Variants in DLGAP2 observed in about 807,000 individuals in gnomAD.
DLGAP2 encodes DLG associated protein 2.
In DLGAP2, 26 loss-of-function variants were observed where a neutral mutation model predicts 100.3. The ratio of observed to expected loss-of-function variants is 0.26; its 90% CI spans 0.19 to 0.36. The LOEUF (loss-of-function observed/expected upper bound fraction) is 0.36. Ranked by LOEUF, DLGAP2 falls within the 10% of genes least tolerant of loss-of-function variation. DLGAP2 has a pLI of 1.00. For missense variants in DLGAP2, 1,858 were observed against 1,453.2 expected, an observed-to-expected ratio of 1.28 and a Z score of -4.53; for synonymous variants, 886 against 630.1, an observed-to-expected ratio of 1.41 and a Z score of -6.08.
chr8:1,363,210 T>C (rs1802025259), intron 3 of DLGAP2, among the ~76,000 whole-genome samples: 1 of 152,154 alleles, frequency 6.6e-6, no homozygotes, highest in Non-Finnish European at 1.5e-5. Context: ...GGGAAAGAAA[T>C]GGAGATTCAC....
intron 3 of DLGAP2, among the ~76,000 whole-genome samples, chr8:1,434,089 C>G (rs1051682242): frequency 1.3e-5 from 2 of 152,098 alleles, no homozygotes; most frequent in African/African-American, 4.8e-5. Context: ...GTGCTATGGG[C>G]GTGGCTGCTT....
intron 1 of DLGAP2, among the ~76,000 whole-genome samples, chr8:758,510 C>T (rs1220021454): frequency 2.0e-5 from 3 of 152,158 alleles, no homozygotes; most frequent in Non-Finnish European, 4.4e-5. Flanking sequence ...TCCACCTCTG[C>T]CCATCCCAAG....
chr8:786,049 C>G (rs906562691), intron 1 of DLGAP2, among the ~76,000 whole-genome samples: 1 of 152,224 alleles, frequency 6.6e-6, no homozygotes, highest in Non-Finnish European at 1.5e-5. Context: ...CAGGAATGCC[C>G]AGACCAGAGC....
intron 2 of DLGAP2, among the ~76,000 whole-genome samples, chr8:1,218,550 T>C (rs1798256866): frequency 6.6e-6 from 1 of 152,160 alleles, no homozygotes; most frequent in Non-Finnish European, 1.5e-5. Flanking sequence ...TATAGTATAG[T>C]TTGAAGTTGA....
At chr8:765,005 T>G (rs1821175285) in intron 1 of DLGAP2, among the ~76,000 whole-genome samples, 1 of 152,182 alleles carries the variant, frequency 6.6e-6, no homozygotes, top group African/African-American at 2.4e-5. Flanking sequence ...TGACAGTGAC[T>G]AGTGGTAGTG....
At chr8:1,554,095 C>G (rs1175315329) in intron 5 of DLGAP2, among the ~76,000 whole-genome samples, 3 of 152,120 alleles carry the variant, frequency 2.0e-5, no homozygotes, top group South Asian at 2.1e-4. Context: ...CAAGACCAAC[C>G]TGGCCAAAAT....
At chr8:1,457,630 G>A (rs779159299) in intron 3 of DLGAP2, among the ~76,000 whole-genome samples, 1 of 152,016 alleles carries the variant, frequency 6.6e-6, no homozygotes, top group Non-Finnish European at 1.5e-5. Flanking sequence ...ACTAAAAATG[G>A]TATCTTTCTT....
intron 2 of DLGAP2, among the ~76,000 whole-genome samples, chr8:1,153,691 T>C (rs1796734123): frequency 6.6e-6 from 1 of 152,348 alleles, no homozygotes; most frequent in East Asian, 1.9e-4. Flanking sequence ...AAAACTAGGC[T>C]TTTCCTGCAT....
At chr8:1,208,780 A>G (rs904907980) in intron 2 of DLGAP2, among the ~76,000 whole-genome samples, 25 of 152,140 alleles carry the variant, frequency 1.6e-4, no homozygotes, top group Non-Finnish European at 8.8e-5. Flanking sequence ...ATCAATGTAC[A>G]CAAATTAGTA....
At position 1,419,276 on chromosome 8, in the gene DLGAP2, C is replaced by T. The variant is rs1441022806; in HGVS notation, c.107-82090C>T. Among the ~76,000 whole-genome samples the T allele has an allele frequency of 2.3e-5, 3 of 130,634 alleles. No homozygotes were observed. The South Asian group carries it at 7.7e-4, about 34-fold the overall frequency. 85.7% of individuals were successfully genotyped at this position (130,634 alleles called of 152,430 possible). ...TATAAATGGTTATTTTTGGTTGACT[C>T]ACAGTAATTGTACATATTTGTGGGA... is the stretch of plus-strand genomic sequence containing the variant. On this transcript the variant is annotated intron_variant, in intron 3 of 14. Transcript: ENST00000637795.
intron 2 of DLGAP2, among the ~76,000 whole-genome samples, chr8:919,328 C>T (rs1294228835): frequency 6.6e-6 from 1 of 152,192 alleles, no homozygotes; most frequent in Non-Finnish European, 1.5e-5. Context: ...CTGCCGACAT[C>T]AGGCCGCGAC....
chr8:751,768 C>T (rs1324076448), intron 1 of DLGAP2, among the ~76,000 whole-genome samples: 2 of 152,164 alleles, frequency 1.3e-5, no homozygotes, highest in East Asian at 3.9e-4. Flanking sequence ...TATAGTAAGT[C>T]CTTATAGTAA....
chr8:1,276,626 T>C (rs1478312526), intron 3 of DLGAP2, among the ~76,000 whole-genome samples: 4 of 150,732 alleles, frequency 2.7e-5, no homozygotes, highest in African/African-American at 9.7e-5. Flanking sequence ...GCGTCTTGTG[T>C]CGGTGCTTTG....
chr8:860,861 T>C (rs1472449659), intron 1 of DLGAP2, among the ~76,000 whole-genome samples: 1 of 152,102 alleles, frequency 6.6e-6, no homozygotes, highest in East Asian at 1.9e-4. Context: ...TACCAAATCA[T>C]GACGCCTATG....
intron 1 of DLGAP2, among the ~76,000 whole-genome samples, chr8:749,314 T>C (rs2132570319): frequency 6.6e-6 from 1 of 152,358 alleles, no homozygotes; most frequent in East Asian, 1.9e-4. Context: ...TTTCTGGTCT[T>C]TTTATCTGCT....
At chr8:926,935 A>G in intron 2 of DLGAP2, 1 of 795,310 alleles carries the variant, frequency 1.3e-6, no homozygotes, top group Non-Finnish European at 1.5e-6. Flanking sequence ...GCCGGATTAA[A>G]TGCCTCTGCG....
intron 1 of DLGAP2, among the ~76,000 whole-genome samples, chr8:816,434 C>T (rs963007320): frequency 2.0e-5 from 3 of 152,112 alleles, no homozygotes; most frequent in Non-Finnish European, 4.4e-5. Flanking sequence ...GGAATTCTCT[C>T]AGCATTTGTT....
At chr8:1,510,563 G>A (rs117728197) in intron 4 of DLGAP2, among the ~76,000 whole-genome samples, 6,132 of 152,324 alleles carry the variant, frequency 0.04, 188 homozygotes, top group South Asian at 0.12. Flanking sequence ...GTCACTCTGC[G>A]TGGGCTCCCT....
intron 1 of DLGAP2, among the ~76,000 whole-genome samples, chr8:905,013 T>C (rs1798347146): frequency 6.6e-6 from 1 of 152,182 alleles, no homozygotes; most frequent in African/African-American, 2.4e-5. Context: ...TGGTCTGGAT[T>C]TAATGCACTA....
Sources: gnomAD v4.1 joint callset for allele counts (sites outside exome capture counted in the v4.1 genomes callset) on GRCh38, gnomAD v4.1.1 for gene constraint, MANE v1.5 for transcripts, NCBI Gene and HGNC (gene_info 2026-07-23, HGNC 2026-07-21) for gene names.